The following GAN variants were observed in gnomAD, a reference collection of about 807,000 sequenced individuals.
The protein encoded by GAN is epididymis secretory sperm binding protein.
Under a neutral mutation model 71.3 loss-of-function variants are expected in GAN, and 48 were observed. That is an observed-to-expected ratio of 0.67 (90% CI 0.53 to 0.86). GAN has a LOEUF of 0.86. GAN is among the 40% of genes least tolerant of loss of function. The pLI, the probability that GAN is intolerant of heterozygous loss-of-function variation, is 0.00. For synonymous variants in GAN, 386 were observed against 276.8 expected (o/e 1.39, Z -3.92); for missense variants, 928 against 770.1 (o/e 1.21, Z -2.43).
intron 1 of GAN, among the ~76,000 whole-genome samples, chr16:81,315,811 G>A (rs4888135): frequency 0.95 from 144,111 of 152,376 alleles, 68,200 homozygotes; most frequent in Middle Eastern, 0.98. Flanking sequence ...TGGGAGGCCA[G>A]ACAGACAGCG....
intron 1 of GAN, among the ~76,000 whole-genome samples, chr16:81,339,417 C>A (rs746700867): frequency 5.3e-5 from 8 of 152,272 alleles, no homozygotes; most frequent in Non-Finnish European, 4.4e-5. Context: ...TATGTGAGAG[C>A]ACTTCACATT....
rs1904506663 is a variant in GAN, at chr16:81,389,610, A to G, written c.*12014A>G. 6.6e-6 allele frequency: 1 copy of G among 152,184 alleles called. No homozygotes were observed. The allele number at this position is 152,184 out of a possible 1,614,324, so 9.4% of individuals were successfully genotyped here. A position where few individuals can be genotyped will look rare whatever the true frequency, so the allele number is the denominator to read the frequency against. On this transcript the variant is annotated 3_prime_UTR_variant, in exon 11 of 11. Coordinates refer to ENST00000648994, the MANE Select transcript of GAN (RefSeq NM_022041.4). ...ATGTCTGTACCTATCTGTGAGTGAG[A>G]CCCATTCATGACACACTAGAAATGT...
chr16:81,351,798 C>G (rs1910309544), intron 2 of GAN, 101 bp downstream of exon 2: 1 of 754,756 alleles, frequency 1.3e-6, no homozygotes, highest in Non-Finnish European at 2.4e-6. Flanking sequence ...GCACTGTCAT[C>G]TTCATCTTCT....
chr16:81,348,310 T>C (rs1331516283), intron 1 of GAN, among the ~76,000 whole-genome samples: 2 of 152,252 alleles, frequency 1.3e-5, no homozygotes, highest in Non-Finnish European at 2.9e-5. Flanking sequence ...GTACACAATA[T>C]CCTGTCTTTT....
In GAN at chr16:81,315,002, A is replaced by G. The variant is rs1908973957; in HGVS notation, c.-112A>G. On this transcript the variant is annotated 5_prime_UTR_variant, in exon 1 of 11. Transcript: ENST00000648994. ...GTCCCGGGGGCTCCAGCTTCTGCTC[A>G]GAGCGCGGAGAGCCGGGCCGGGCGG... is the stretch of plus-strand genomic sequence containing the variant. 7.5e-6 allele frequency: 7 copies of G among 927,896 alleles called. No individual in the cohort carries two copies. Among genetic ancestry groups the G allele is most frequent in the African/African-American group, 3.5e-5 (2 of 57,266 alleles). 57.5% of individuals were successfully genotyped at this position (927,896 alleles called of 1,614,324 possible).
intron 7 of GAN, among the ~76,000 whole-genome samples, chr16:81,364,187 C>A (rs1433406856): frequency 1.3e-5 from 2 of 152,162 alleles, no homozygotes; most frequent in Non-Finnish European, 1.5e-5. Context: ...TGTCAAGCTC[C>A]ACATTTGAGT....
chr16:81,342,969 A>G (rs1909994744), intron 1 of GAN, among the ~76,000 whole-genome samples: 1 of 152,218 alleles, frequency 6.6e-6, no homozygotes, highest in South Asian at 2.1e-4. Flanking sequence ...CCAAAGAAAT[A>G]CAAACTACCT....
At chr16:81,377,389 C>T (rs1904285085) in intron 10 of GAN, 26 bp from the exon 11 acceptor site, 1 of 1,609,522 alleles carries the variant, frequency 6.2e-7, no homozygotes, top group Non-Finnish European at 8.5e-7. Context: ...TACATTTTCT[C>T]ACCCTTGCTT....
intron 1 of GAN, among the ~76,000 whole-genome samples, chr16:81,323,179 CTT>C (rs768733007): frequency 9.9e-5 from 15 of 152,284 alleles, no homozygotes; most frequent in Non-Finnish European, 2.2e-4. Flanking sequence ...GGATTTGACA[CTT>C]AGTATAACAG....
intron 1 of GAN, among the ~76,000 whole-genome samples, chr16:81,315,957 C>T (rs1909025637): frequency 6.6e-6 from 1 of 152,234 alleles, no homozygotes; most frequent in Admixed American, 6.5e-5. Context: ...AGGAGTTACA[C>T]GTTGAAGTAA....
intron 1 of GAN, among the ~76,000 whole-genome samples, chr16:81,325,960 T>A (rs1909371881): frequency 6.6e-6 from 1 of 152,230 alleles, no homozygotes; most frequent in African/African-American, 2.4e-5. Context: ...CTTCCTACTC[T>A]TGCTTGCAGA....
chr16:81,328,100 T>C (rs1411143541), intron 1 of GAN, among the ~76,000 whole-genome samples: 2 of 152,230 alleles, frequency 1.3e-5, no homozygotes, highest in African/African-American at 4.8e-5. Flanking sequence ...CCTTGTCTTT[T>C]AAGAGAGAAA....
chr16:81,329,113 C>T (rs1348873619), intron 1 of GAN, among the ~76,000 whole-genome samples: 1 of 152,004 alleles, frequency 6.6e-6, no homozygotes, highest in Non-Finnish European at 1.5e-5. Context: ...TAGTCAAGGC[C>T]TATCCTCCCT....
At chr16:81,334,938 G>A (rs1454796155) in intron 1 of GAN, among the ~76,000 whole-genome samples, 2 of 152,168 alleles carry the variant, frequency 1.3e-5, no homozygotes, top group African/African-American at 2.4e-5. Flanking sequence ...TGGGGATAGA[G>A]CAGGAAACAA....
intron 1 of GAN, among the ~76,000 whole-genome samples, chr16:81,338,428 C>A (rs1909837142): frequency 6.6e-6 from 1 of 152,046 alleles, no homozygotes; most frequent in Admixed American, 6.6e-5. Flanking sequence ...TAGCTTAGCT[C>A]TTTTTAAATG....
chr16:81,315,626 C>G (rs925352349), intron 1 of GAN, among the ~76,000 whole-genome samples: 10 of 152,132 alleles, frequency 6.6e-5, no homozygotes, highest in Non-Finnish European at 1.3e-4. Flanking sequence ...AGACGCCGTC[C>G]TGGGCCGGCC....
intron 1 of GAN, among the ~76,000 whole-genome samples, chr16:81,334,282 G>C (rs1161731811): frequency 6.6e-6 from 1 of 152,184 alleles, no homozygotes; most frequent in Non-Finnish European, 1.5e-5. Context: ...TGTCGGGGAA[G>C]GATAGGACTG....
intron 7 of GAN, 58 bp downstream of exon 7, chr16:81,364,001 G>T (rs1910765555): frequency 1.6e-6 from 2 of 1,242,842 alleles, no homozygotes; most frequent in South Asian, 1.2e-5. Flanking sequence ...TAAACTTAAT[G>T]TGTCTTCATA....
At chr16:81,348,523 T>A (rs1385122222) in intron 1 of GAN, among the ~76,000 whole-genome samples, 2 of 152,182 alleles carry the variant, frequency 1.3e-5, no homozygotes, top group African/African-American at 4.8e-5. Context: ...CAAAAAAACA[T>A]GTTGCAAGTA....
Sources: gnomAD v4.1 joint callset for allele counts (sites outside exome capture counted in the v4.1 genomes callset) on GRCh38, gnomAD v4.1.1 for gene constraint, MANE v1.5 for transcripts, NCBI Gene and HGNC (gene_info 2026-07-23, HGNC 2026-07-21) for gene names.